ROBO1: variants seen among roughly 807,000 people sequenced by gnomAD.
ROBO1 encodes roundabout guidance receptor 1.
In ROBO1, 149 loss-of-function variants were observed where a neutral mutation model predicts 195.9. The observed-to-expected ratio is 0.76, with a 90% CI of 0.67 to 0.87. The LOEUF (loss-of-function observed/expected upper bound fraction) is 0.87. ROBO1 is among the 40% of genes least tolerant of loss of function. The pLI, the probability that ROBO1 is intolerant of heterozygous loss-of-function variation, is 0.00. For synonymous variants in ROBO1, 816 were observed against 733.2 expected, an observed-to-expected ratio of 1.11 and a Z score of -1.82; for missense variants, 1,933 against 2,068.3, an observed-to-expected ratio of 0.93 and a Z score of 1.27.
intron 2 of ROBO1, among the ~76,000 whole-genome samples, chr3:79,145,851 T>C (rs1392003697): frequency 6.6e-6 from 1 of 152,010 alleles, no homozygotes; most frequent in East Asian, 1.9e-4. Context: ...AATAAAATGA[T>C]CATCTTTACA....
chr3:79,117,670 C>A (rs887788497), intron 3 of ROBO1, among the ~76,000 whole-genome samples: 4 of 152,168 alleles, frequency 2.6e-5, no homozygotes, highest in Non-Finnish European at 4.4e-5. Context: ...GCAATACCAA[C>A]CTGTAGCTGA....
At chr3:78,732,595 G>A (rs1464346151) in intron 5 of ROBO1, among the ~76,000 whole-genome samples, 2 of 152,104 alleles carry the variant, frequency 1.3e-5, no homozygotes, top group Non-Finnish European at 2.9e-5. Context: ...CCCTAATAAA[G>A]ATGGGGAAAT....
At chr3:78,904,075 G>A (rs968753703) in intron 4 of ROBO1, among the ~76,000 whole-genome samples, 8 of 151,822 alleles carry the variant, frequency 5.3e-5, no homozygotes, top group African/African-American at 1.7e-4. Context: ...CATTAGATAT[G>A]AGTATATTAG....
intron 3 of ROBO1, among the ~76,000 whole-genome samples, chr3:78,967,271 A>G (rs2076667427): frequency 6.6e-6 from 1 of 152,060 alleles, no homozygotes; most frequent in Non-Finnish European, 1.5e-5. Flanking sequence ...GCTTCTCATC[A>G]AGTCAGTCCT....
chr3:78,983,583 T>G (rs928346644), intron 3 of ROBO1, among the ~76,000 whole-genome samples: 1 of 152,148 alleles, frequency 6.6e-6, no homozygotes, highest in Non-Finnish European at 1.5e-5. Context: ...CTAACAAAAC[T>G]AATAACGTAA....
intron 2 of ROBO1, among the ~76,000 whole-genome samples, chr3:79,522,474 G>A (rs1021995119): frequency 2.0e-5 from 3 of 151,860 alleles, no homozygotes; most frequent in Admixed American, 1.3e-4. Flanking sequence ...AGTAATCATC[G>A]CCTTGTCTGA....
chr3:79,562,682 C>A (rs1942962940), intron 2 of ROBO1, among the ~76,000 whole-genome samples: 1 of 151,948 alleles, frequency 6.6e-6, no homozygotes, highest in Non-Finnish European at 1.5e-5. Context: ...GTCATAAAAT[C>A]AAAACAACAA....
intron 3 of ROBO1, among the ~76,000 whole-genome samples, chr3:78,943,766 T>G (rs1031155963): frequency 6.6e-6 from 1 of 152,206 alleles, no homozygotes; most frequent in African/African-American, 2.4e-5. Flanking sequence ...AAGCATTTAA[T>G]AATTTGAGGA....
intron 2 of ROBO1, among the ~76,000 whole-genome samples, chr3:79,306,359 A>G (rs987035669): frequency 5.3e-5 from 8 of 151,290 alleles, no homozygotes. Flanking sequence ...TGATTATTTG[A>G]GCTCTTTCCT....
intron 2 of ROBO1, among the ~76,000 whole-genome samples, chr3:79,416,600 T>C (rs988293778): frequency 1.5e-5 from 2 of 136,154 alleles, no homozygotes; most frequent in Admixed American, 7.7e-5. Flanking sequence ...AGAGTGAAAC[T>C]CTTAAAAAAA....
intron 4 of ROBO1, among the ~76,000 whole-genome samples, chr3:78,840,089 A>G (rs764892144): frequency 6.6e-6 from 1 of 152,216 alleles, no homozygotes; most frequent in South Asian, 2.1e-4. Context: ...AGCATGGCCA[A>G]TGCTTTCATT....
At chr3:79,553,476 T>G (rs1292958007) in intron 2 of ROBO1, among the ~76,000 whole-genome samples, 1 of 152,062 alleles carries the variant, frequency 6.6e-6, no homozygotes, top group African/African-American at 2.4e-5. Flanking sequence ...ATGCATAAAA[T>G]TCTCATTCAA....
intron 4 of ROBO1, among the ~76,000 whole-genome samples, chr3:78,771,840 T>C (rs922787149): frequency 6.6e-6 from 1 of 152,138 alleles, no homozygotes; most frequent in Non-Finnish European, 1.5e-5. Flanking sequence ...TGAAGAGAGA[T>C]AGTTTGATGT....
chr3:79,731,087 G>T (rs898889734), intron 1 of ROBO1, among the ~76,000 whole-genome samples: 2 of 152,034 alleles, frequency 1.3e-5, no homozygotes, highest in African/African-American at 2.4e-5. Flanking sequence ...TTGCTAGAAG[G>T]GTGATTTTAA....
At chr3:78,880,061 A>G (rs975242003) in intron 4 of ROBO1, among the ~76,000 whole-genome samples, 1 of 152,190 alleles carries the variant, frequency 6.6e-6, no homozygotes, top group Admixed American at 6.6e-5. Flanking sequence ...TTAAAGCACC[A>G]TGGTAATTTT....
chr3:78,761,601 G>T (rs950571272), intron 4 of ROBO1, among the ~76,000 whole-genome samples: 1 of 152,066 alleles, frequency 6.6e-6, no homozygotes, highest in Non-Finnish European at 1.5e-5. Context: ...ACAGTTGCTA[G>T]CCTCTTTTGA....
chr3:79,754,772 T>A (rs1011921990), intron 1 of ROBO1, among the ~76,000 whole-genome samples: 1 of 152,212 alleles, frequency 6.6e-6, no homozygotes, highest in Admixed American at 6.5e-5. Context: ...TATTTACTAG[T>A]CTGTTAGCTA....
chr3:78,784,177 T>C (rs1306391616), intron 4 of ROBO1, among the ~76,000 whole-genome samples: 1 of 152,178 alleles, frequency 6.6e-6, no homozygotes, highest in African/African-American at 2.4e-5. Flanking sequence ...ATAATAGTTT[T>C]AATGTAGGTT....
chr3:78,931,377 G>C (rs1163535199), intron 4 of ROBO1, among the ~76,000 whole-genome samples: 1 of 151,250 alleles, frequency 6.6e-6, no homozygotes, highest in Admixed American at 6.6e-5. Flanking sequence ...CTCCCGAGTA[G>C]CTGGGATTAC....
Sources: gnomAD v4.1 joint callset for allele counts (sites outside exome capture counted in the v4.1 genomes callset) on GRCh38, gnomAD v4.1.1 for gene constraint, MANE v1.5 for transcripts, NCBI Gene and HGNC (gene_info 2026-07-23, HGNC 2026-07-21) for gene names.